The following MYLK variants were observed in gnomAD, a reference collection of about 807,000 sequenced individuals.
MYLK encodes the protein myosin light chain kinase, smooth muscle.
In MYLK, 106 loss-of-function variants were observed where a neutral mutation model predicts 203.4. The ratio of observed to expected loss-of-function variants is 0.52; its 90% CI spans 0.45 to 0.61. The LOEUF (loss-of-function observed/expected upper bound fraction) is 0.61, where lower values mean the gene tolerates loss of function less well. MYLK is among the 20% of genes least tolerant of loss of function. MYLK has a pLI of 0.00. For missense variants in MYLK, 2,072 were observed against 2,442.3 expected, an observed-to-expected ratio of 0.85 and a Z score of 3.20; for synonymous variants, 867 against 959.5, an observed-to-expected ratio of 0.90 and a Z score of 1.78.
intron 18 of MYLK, 63 bp from the exon 19 acceptor site, chr3:123,692,914 G>T: frequency 7.0e-7 from 1 of 1,419,416 alleles, no homozygotes. Context: ...GGCATCTGGA[G>T]CGCAGCAGGT....
chr3:123,773,886 G>C (rs923316929), intron 4 of MYLK, among the ~76,000 whole-genome samples: 3 of 152,222 alleles, frequency 2.0e-5, no homozygotes, highest in Non-Finnish European at 4.4e-5. Flanking sequence ...CTAATTTCAA[G>C]ACCTGGAAGA....
chr3:123,876,365 A>G (rs2033152161), intron 2 of MYLK, among the ~76,000 whole-genome samples, 194 bp downstream of exon 2: 1 of 152,150 alleles, frequency 6.6e-6, no homozygotes, highest in African/African-American at 2.4e-5. Context: ...GGATCTTTAT[A>G]TTTTGATTAT....
intron 3 of MYLK, among the ~76,000 whole-genome samples, chr3:123,815,651 G>A (rs1456066371): frequency 6.6e-6 from 1 of 152,006 alleles, no homozygotes; most frequent in African/African-American, 2.4e-5. Context: ...TATGACATGG[G>A]TCCACAAGCA....
At position 123,638,204 on chromosome 3, in the gene MYLK, G is replaced by A; in HGVS notation, c.4838-10C>T. The A allele has an allele frequency of 6.2e-7, 1 of 1,613,592 alleles. No homozygotes were observed. Among genetic ancestry groups the A allele is most frequent in the South Asian group, 1.1e-5 (1 of 91,046 alleles). ...AGAGACCCCGCATTCTCTGAAACCA[G>A]GATGGAGAGGGATAAATTGCCAGCA... On this transcript the variant is annotated splice_polypyrimidine_tract_variant and intron_variant, in intron 28 of 33. Coordinates refer to ENST00000360304, the MANE Select transcript of MYLK (RefSeq NM_053025.4).
At chr3:123,660,392 A>G (rs2059525970) in intron 23 of MYLK, among the ~76,000 whole-genome samples, 2 of 152,156 alleles carry the variant, frequency 1.3e-5, no homozygotes, top group African/African-American at 4.8e-5. Context: ...TCCTTTAAAG[A>G]TATGAAAAGA....
At chr3:123,848,456 G>T in intron 2 of MYLK, among the ~76,000 whole-genome samples, 1 of 151,324 alleles carries the variant, frequency 6.6e-6, no homozygotes, top group Admixed American at 6.6e-5. Flanking sequence ...ATTCTCCCTT[G>T]TTCCGTACTA....
chr3:123,658,336 C>T (rs1002502254), intron 23 of MYLK, among the ~76,000 whole-genome samples: 1 of 152,162 alleles, frequency 6.6e-6, no homozygotes, highest in African/African-American at 2.4e-5. Context: ...GATGACCTGG[C>T]CTCAGAACTA....
intron 13 of MYLK, among the ~76,000 whole-genome samples, chr3:123,720,663 T>C (rs2062056657): frequency 6.6e-6 from 1 of 152,104 alleles, no homozygotes; most frequent in Non-Finnish European, 1.5e-5. Flanking sequence ...GATAAATGAG[T>C]AAGTTTGTAA....
chr3:123,661,664 G>A (rs2059565624), intron 23 of MYLK, among the ~76,000 whole-genome samples: 1 of 152,196 alleles, frequency 6.6e-6, no homozygotes, highest in Admixed American at 6.5e-5. Flanking sequence ...GGGACAGGGT[G>A]ACGGACACTG....
chr3:123,697,224 T>C (rs2060965933), intron 18 of MYLK, among the ~76,000 whole-genome samples: 1 of 152,246 alleles, frequency 6.6e-6, no homozygotes, highest in Non-Finnish European at 1.5e-5. Context: ...AGATAAGTTT[T>C]TTCCTTAACA....
intron 3 of MYLK, among the ~76,000 whole-genome samples, chr3:123,815,407 T>C (rs952498811): frequency 5.9e-5 from 9 of 152,296 alleles, no homozygotes; most frequent in South Asian, 4.1e-4. Flanking sequence ...GAGGCAAGTA[T>C]TGAGTAAGAC....
At chr3:123,867,072 GA>G (rs1195160963) in intron 2 of MYLK, among the ~76,000 whole-genome samples, 1 of 152,038 alleles carries the variant, frequency 6.6e-6, no homozygotes, top group Non-Finnish European at 1.5e-5. Context: ...CTAGTTTTGT[GA>G]CAAATCCTTA....
Position 123,686,719 on chromosome 3 carries a change from T to C in MYLK, c.3566-4409A>G, listed in dbSNP as rs72968602. Among the ~76,000 whole-genome samples, 1,412 of 152,224 alleles carry C rather than the reference T, an allele frequency of 9.3e-3. 23 individuals are homozygous for C. Among genetic ancestry groups the C allele is most frequent in the African/African-American group, 0.032 (1,331 of 41,518 alleles). On this transcript the variant is annotated intron_variant, in intron 19 of 33. Transcript: ENST00000360304. ...GAAAACCGAAATAACATCACCTCAATAGAAGAGTGAGGGAGGTGTGGCCAA... is the reference window on the plus strand; with the variant it reads ...GAAAACCGAAATAACATCACCTCAACAGAAGAGTGAGGGAGGTGTGGCCAA...
intron 2 of MYLK, among the ~76,000 whole-genome samples, chr3:123,868,145 AC>A (rs2032465519): frequency 6.6e-6 from 1 of 152,210 alleles, no homozygotes; most frequent in Non-Finnish European, 1.5e-5. Flanking sequence ...GAGAGGTTGC[AC>A]AGAAGTACCA....
chr3:123,854,923 A>C (rs888002015), intron 2 of MYLK, among the ~76,000 whole-genome samples: 10 of 152,044 alleles, frequency 6.6e-5, no homozygotes, highest in Admixed American at 6.6e-4. Flanking sequence ...CTGTCTTCTT[A>C]CCTCTCTTGT....
intron 19 of MYLK, among the ~76,000 whole-genome samples, chr3:123,692,067 T>C (rs1221819740): frequency 6.6e-6 from 1 of 152,230 alleles, no homozygotes; most frequent in Non-Finnish European, 1.5e-5. Flanking sequence ...AAAAGAGTCA[T>C]GAATGCACTT....
At chr3:123,797,959 T>C (rs1305269782) in intron 3 of MYLK, among the ~76,000 whole-genome samples, 2 of 152,166 alleles carry the variant, frequency 1.3e-5, no homozygotes, top group Non-Finnish European at 2.9e-5. Flanking sequence ...CAAGGGTCTA[T>C]GAGTGAGATG....
chr3:123,815,444 C>T (rs542189985), intron 3 of MYLK, among the ~76,000 whole-genome samples: 5 of 152,180 alleles, frequency 3.3e-5, no homozygotes, highest in East Asian at 3.9e-4. Context: ...TTCGAGAAGT[C>T]GTGAAGTTCA....
chr3:123,777,312 G>A (rs147145960), intron 4 of MYLK, among the ~76,000 whole-genome samples: 23 of 152,342 alleles, frequency 1.5e-4, no homozygotes, highest in African/African-American at 5.5e-4. Context: ...TTCAAACTCA[G>A]ATATCCTGGC....
Sources: allele counts gnomAD v4.1 joint callset (sites outside exome capture counted in the v4.1 genomes callset), GRCh38; gene constraint gnomAD v4.1.1; transcripts MANE v1.5; gene names NCBI Gene and HGNC (gene_info 2026-07-23, HGNC 2026-07-21).